The following ARFGEF3 variants were observed in gnomAD, a reference collection of about 807,000 sequenced individuals.
ARFGEF3 encodes ARFGEF family member 3, also known as brefeldin A-inhibited guanine nucleotide-exchange protein 3.
ARFGEF3 carries 96 observed loss-of-function variants against 221.7 expected under a neutral mutation model. That is an observed-to-expected ratio of 0.43 (90% CI 0.37 to 0.51). The LOEUF (loss-of-function observed/expected upper bound fraction) is 0.51. Among genes scored for constraint, ARFGEF3 ranks in the 20% least tolerant of loss-of-function variants. The pLI, the probability that ARFGEF3 is intolerant of heterozygous loss-of-function variation, is 0.00. For synonymous variants in ARFGEF3, 1,145 were observed against 1,126.8 expected, an observed-to-expected ratio of 1.02 and a Z score of -0.32; for missense variants, 2,410 against 2,789.9, an observed-to-expected ratio of 0.86 and a Z score of 3.07.
At chr6:138,216,419 G>A (rs1026041612) in intron 4 of ARFGEF3, 5 of 152,216 alleles carry the variant, frequency 3.3e-5, no homozygotes, top group African/African-American at 1.2e-4. Context: ...CAAAGTGGAA[G>A]GGAGTGTGCT....
At chr6:138,333,279 T>C (rs1780258621) in intron 32 of ARFGEF3, among the ~76,000 whole-genome samples, 1 of 152,050 alleles carries the variant, frequency 6.6e-6, no homozygotes, top group African/African-American at 2.4e-5. Flanking sequence ...ATGTGATGGG[T>C]CATAATAGGA....
intron 8 of ARFGEF3, among the ~76,000 whole-genome samples, chr6:138,249,023 G>A (rs1389291480): frequency 1.3e-5 from 2 of 152,098 alleles, no homozygotes; most frequent in South Asian, 2.1e-4. Flanking sequence ...AGCCACCCAG[G>A]AACCCCCATC....
At chr6:138,233,577 C>T (rs1468460592) in intron 5 of ARFGEF3, among the ~76,000 whole-genome samples, 2 of 152,108 alleles carry the variant, frequency 1.3e-5, no homozygotes, top group Admixed American at 6.5e-5. Flanking sequence ...TGGGATTTCG[C>T]CTTATTGGCC....
intron 5 of ARFGEF3, 55 bp downstream of exon 5, chr6:138,229,907 G>A (rs1778158551): frequency 1.4e-6 from 2 of 1,412,146 alleles, no homozygotes; most frequent in African/African-American, 1.4e-5. Context: ...TCTCTGACTG[G>A]GATAAATATT....
At chr6:138,202,991 T>C (rs1777563943) in intron 2 of ARFGEF3, among the ~76,000 whole-genome samples, 1 of 152,066 alleles carries the variant, frequency 6.6e-6, no homozygotes, top group Non-Finnish European at 1.5e-5. Flanking sequence ...CAGGTTACAC[T>C]GCCCTCTTCT....
intron 8 of ARFGEF3, among the ~76,000 whole-genome samples, chr6:138,246,471 G>A (rs1482376752): frequency 1.3e-5 from 2 of 152,226 alleles, no homozygotes; most frequent in African/African-American, 2.4e-5. Flanking sequence ...AAACATTGCA[G>A]AAACTCATTT....
rs1255005181 is a variant in ARFGEF3 at position 138,340,332 on chromosome 6, CTTG to C, written c.*3852_*3854del. The C allele has an allele frequency of 3.9e-5, 6 of 152,020 alleles. No homozygotes were observed. The highest frequency in any genetic ancestry group is 5.9e-5 in the Non-Finnish European group (4 of 67,988). The allele number at this position is 152,020 out of a possible 1,614,324, so 9.4% of individuals were successfully genotyped here. A position where few individuals can be genotyped will look rare whatever the true frequency, so the allele number is the denominator to read the frequency against. On this transcript the variant is annotated 3_prime_UTR_variant, in exon 34 of 34. Transcript: ENST00000251691. The stretch of plus-strand genomic sequence containing the variant: ...TGCAATGATCATTAGGCTTTTTGTC[CTTG>C]TTGTTTTAAAATGAGGCTTATACAG...
intron 8 of ARFGEF3, among the ~76,000 whole-genome samples, chr6:138,248,682 C>T (rs1778529416): frequency 1.3e-5 from 2 of 151,950 alleles, no homozygotes; most frequent in African/African-American, 2.4e-5. Flanking sequence ...AAAAATTAAC[C>T]AGGCGTGGTT....
chr6:138,207,004 C>T, intron 2 of ARFGEF3, 38 bp from the exon 3 acceptor site: 2 of 1,547,354 alleles, frequency 1.3e-6, no homozygotes, highest in Non-Finnish European at 8.8e-7. Flanking sequence ...GCCAGCTTTA[C>T]TGAGCTCACA....
At chr6:138,234,415 C>T (rs1255190813) in intron 5 of ARFGEF3, among the ~76,000 whole-genome samples, 1 of 152,080 alleles carries the variant, frequency 6.6e-6, no homozygotes, top group Non-Finnish European at 1.5e-5. Context: ...CCCTACCTAA[C>T]GTGGTGATCA....
chr6:138,273,668 C>T (rs1583043279), intron 12 of ARFGEF3, among the ~76,000 whole-genome samples: 1 of 152,036 alleles, frequency 6.6e-6, no homozygotes, highest in South Asian at 2.1e-4. Context: ...AGACCTTTGC[C>T]GATTTTGAGC....
At chr6:138,299,149 G>T (rs1035151229) in intron 22 of ARFGEF3, among the ~76,000 whole-genome samples, 7 of 121,716 alleles carry the variant, frequency 5.8e-5, no homozygotes, top group African/African-American at 1.8e-4. Flanking sequence ...AGTGAGCCCA[G>T]ATCAATCACG....
At chr6:138,279,975 C>T (rs770027203) in intron 13 of ARFGEF3, 24 bp from the exon 14 acceptor site, 50 of 1,612,906 alleles carry the variant, frequency 3.1e-5, no homozygotes, top group Non-Finnish European at 4.2e-5. Context: ...TATGTGGTCA[C>T]CTTCTCATGC....
chr6:138,188,870 A>G (rs989658311), intron 2 of ARFGEF3, among the ~76,000 whole-genome samples: 2 of 152,156 alleles, frequency 1.3e-5, no homozygotes, highest in African/African-American at 4.8e-5. Flanking sequence ...AACCAGCCCA[A>G]CCTTTTTGGC....
intron 2 of ARFGEF3, among the ~76,000 whole-genome samples, chr6:138,187,148 C>T (rs1777206059): frequency 6.6e-6 from 1 of 152,096 alleles, no homozygotes. Context: ...TTCCTGACCT[C>T]AGGTGATCCA....
At chr6:138,321,272 T>A in intron 29 of ARFGEF3, 47 bp downstream of exon 29, 1 of 1,051,142 alleles carries the variant, frequency 9.5e-7, no homozygotes, top group Non-Finnish European at 1.4e-6. Flanking sequence ...AGTTTTTATT[T>A]AAAAATCTAA....
At position 138,296,882 on chromosome 6, in the gene ARFGEF3, T is replaced by C. The variant is rs745923646; in HGVS notation, c.3575T>C (p.Ile1192Thr). The C allele has an allele frequency of 1.9e-6, 3 of 1,613,984 alleles. No homozygotes were observed. Among genetic ancestry groups the C allele is most frequent in the East Asian group, 4.5e-5 (2 of 44,882 alleles). ...LFRLGNAMLR[I>T]VRSKARPLLH... is the part of the protein sequence containing the mutation. ...CGCCTGGGGAATGCCATGCTGAGGA[T>C]TGTGCGGAGCAAAGCACGGCCCCTG... The change falls in exon 21 of 34, where the codon ATT becomes ACT. Residue 1192 changes from isoleucine (I) to threonine (T), a missense_variant. Transcript: ENST00000251691.
intron 27 of ARFGEF3, among the ~76,000 whole-genome samples, chr6:138,318,081 A>G (rs1779958403): frequency 6.6e-6 from 1 of 152,214 alleles, no homozygotes; most frequent in Non-Finnish European, 1.5e-5. Flanking sequence ...TACTAAGAGG[A>G]GGTCTGTACT....
intron 14 of ARFGEF3, among the ~76,000 whole-genome samples, chr6:138,285,401 C>A (rs1219364896): frequency 6.6e-6 from 1 of 151,170 alleles, no homozygotes; most frequent in Admixed American, 6.6e-5. Flanking sequence ...CAGCAGTGAG[C>A]CGAGATCACG....
Sources: allele counts gnomAD v4.1 joint callset (sites outside exome capture counted in the v4.1 genomes callset), GRCh38; gene constraint gnomAD v4.1.1; transcripts MANE v1.5; gene names NCBI Gene and HGNC (gene_info 2026-07-23, HGNC 2026-07-21).